Variants in DLC1 observed in about 807,000 individuals in gnomAD.
The protein encoded by DLC1 is rho GTPase-activating protein 7.
In DLC1, 54 loss-of-function variants were observed where a neutral mutation model predicts 140.3. That is an observed-to-expected ratio of 0.38 (90% CI 0.31 to 0.48). The LOEUF is 0.48. DLC1 is among the 20% of genes least tolerant of loss of function. DLC1 has a pLI of 0.96. For missense variants in DLC1, 2,536 were observed against 1,907.0 expected, an observed-to-expected ratio of 1.33 and a Z score of -6.14; for synonymous variants, 986 against 728.1, an observed-to-expected ratio of 1.35 and a Z score of -5.70.
At chr8:13,262,175 C>A (rs1830494773) in intron 5 of DLC1, among the ~76,000 whole-genome samples, 1 of 151,914 alleles carries the variant, frequency 6.6e-6, no homozygotes. Flanking sequence ...TTGGTTGTGA[C>A]TGAATATGTA....
chr8:13,185,519 G>A (rs1004365815), intron 5 of DLC1, among the ~76,000 whole-genome samples: 1 of 151,986 alleles, frequency 6.6e-6, no homozygotes, highest in African/African-American at 2.4e-5. Context: ...GTGTTAGCCA[G>A]GATGATCTCG....
intron 1 of DLC1, among the ~76,000 whole-genome samples, chr8:13,591,523 C>T (rs1003523647): frequency 6.6e-6 from 1 of 152,100 alleles, no homozygotes; most frequent in Non-Finnish European, 1.5e-5. Context: ...CCTAGCCATG[C>T]AGAACCGTGA....
intron 5 of DLC1, among the ~76,000 whole-genome samples, chr8:13,254,789 G>A (rs1443550094): frequency 1.3e-5 from 2 of 152,098 alleles, no homozygotes; most frequent in Non-Finnish European, 2.9e-5. Context: ...TGTTCCATGT[G>A]TTGGTGTGTG....
At chr8:13,268,944 G>A (rs937523563) in intron 5 of DLC1, among the ~76,000 whole-genome samples, 4 of 144,204 alleles carry the variant, frequency 2.8e-5, no homozygotes, top group Non-Finnish European at 4.5e-5. Context: ...GCGTGATCTC[G>A]GCTCACTGCA....
intron 2 of DLC1, among the ~76,000 whole-genome samples, chr8:13,440,582 A>G (rs1054675148): frequency 6.6e-6 from 1 of 151,724 alleles, no homozygotes; most frequent in African/African-American, 2.4e-5. Context: ...TCTATGTAAC[A>G]TAGGAATATT....
intron 5 of DLC1, among the ~76,000 whole-genome samples, chr8:13,268,889 T>TTG (rs1215525241): frequency 6.1e-5 from 9 of 148,622 alleles, no homozygotes; most frequent in African/African-American, 2.3e-4. Context: ...TTTTTTTTTT[T>TTG]TTTGAGATGG....
intron 1 of DLC1, among the ~76,000 whole-genome samples, chr8:13,569,059 C>G (rs1335627443): frequency 6.6e-6 from 1 of 152,132 alleles, no homozygotes; most frequent in African/African-American, 2.4e-5. Flanking sequence ...GTTGTTCATC[C>G]AAATTTATGT....
At chr8:13,591,911 T>C (rs1318918345) in intron 1 of DLC1, among the ~76,000 whole-genome samples, 1 of 152,138 alleles carries the variant, frequency 6.6e-6, no homozygotes, top group Non-Finnish European at 1.5e-5. Flanking sequence ...ATGGTTTTTT[T>C]GACCTTGTCG....
intron 4 of DLC1, among the ~76,000 whole-genome samples, chr8:13,372,626 C>G (rs1035872748): frequency 6.6e-6 from 1 of 152,148 alleles, no homozygotes. Context: ...AACTGTCTGT[C>G]ATATTCTAAC....
intron 5 of DLC1, among the ~76,000 whole-genome samples, chr8:13,281,445 G>A (rs2117425625): frequency 6.6e-6 from 1 of 152,302 alleles, no homozygotes; most frequent in African/African-American, 2.4e-5. Flanking sequence ...TTGGAAGGCA[G>A]GGAGAAAATC....
intron 5 of DLC1, among the ~76,000 whole-genome samples, chr8:13,170,976 A>T (rs1825436540): frequency 6.6e-6 from 1 of 152,194 alleles, no homozygotes; most frequent in South Asian, 2.1e-4. Flanking sequence ...AGGGTCACCA[A>T]AGCTCTGTGA....
At chr8:13,109,609 G>C (rs899400488) in intron 7 of DLC1, among the ~76,000 whole-genome samples, 1 of 151,840 alleles carries the variant, frequency 6.6e-6, no homozygotes, top group African/African-American at 2.4e-5. Context: ...AACAGGCTGG[G>C]TGCGGTGGCT....
At chr8:13,467,453 C>CTTTTTTTTTT (rs10671511) in intron 2 of DLC1, among the ~76,000 whole-genome samples, 1 of 149,532 alleles carries the variant, frequency 6.7e-6, no homozygotes. Flanking sequence ...TCTTATATTC[C>CTTTTTTTTTT]TTTTTTTTTC....
At chr8:13,507,865 C>T (rs7820503) in intron 1 of DLC1, among the ~76,000 whole-genome samples, 3,499 of 152,214 alleles carry the variant, frequency 0.023, 60 homozygotes, top group Non-Finnish European at 0.033. Context: ...AATACACATC[C>T]AACGTTCCAT....
chr8:13,097,953 G>A (rs1466454443), intron 10 of DLC1, among the ~76,000 whole-genome samples: 1 of 151,022 alleles, frequency 6.6e-6, no homozygotes, highest in Non-Finnish European at 1.5e-5. Flanking sequence ...GGAGGCCGAG[G>A]CAGGTGGATC....
intron 4 of DLC1, among the ~76,000 whole-genome samples, chr8:13,323,752 G>C (rs1833223657): frequency 1.3e-5 from 2 of 152,152 alleles, no homozygotes; most frequent in African/African-American, 4.8e-5. Flanking sequence ...ATACCTTATT[G>C]TTTGGAATAT....
chr8:13,186,524 C>A (rs1439815428), intron 5 of DLC1, among the ~76,000 whole-genome samples: 1 of 152,144 alleles, frequency 6.6e-6, no homozygotes. Flanking sequence ...CTTCTCTACA[C>A]TGTTTATTCT....
chr8:13,263,382 T>G (rs1007797762), intron 5 of DLC1, among the ~76,000 whole-genome samples: 1 of 152,190 alleles, frequency 6.6e-6, no homozygotes. Context: ...AGTAATGAAC[T>G]TTATGTTATT....
At chr8:13,301,075 T>C (rs576448366) in intron 5 of DLC1, among the ~76,000 whole-genome samples, 1 of 152,104 alleles carries the variant, frequency 6.6e-6, no homozygotes, top group Non-Finnish European at 1.5e-5. Flanking sequence ...GCTTGGTAGA[T>C]AGGATCTGAT....
Sources: gnomAD v4.1 joint callset for allele counts (sites outside exome capture counted in the v4.1 genomes callset) on GRCh38, gnomAD v4.1.1 for gene constraint, MANE v1.5 for transcripts, NCBI Gene and HGNC (gene_info 2026-07-23, HGNC 2026-07-21) for gene names.